Variants in C12orf42 observed in about 807,000 individuals in gnomAD.
C12orf42 encodes the protein chromosome 12 open reading frame 42.
C12orf42 carries 25 observed loss-of-function variants against 21.6 expected under a neutral mutation model. The observed-to-expected ratio is 1.16, with a 90% CI of 0.84 to 1.62. The LOEUF (loss-of-function observed/expected upper bound fraction) is 1.62, where lower values mean the gene tolerates loss of function less well. Among genes scored for constraint, C12orf42 ranks in the 40% most tolerant of loss-of-function variants. C12orf42 has a pLI of 0.00. For synonymous variants in C12orf42, 174 were observed against 175.0 expected (o/e 0.99, Z 0.05); for missense variants, 483 against 459.3 (o/e 1.05, Z -0.47).
Position 103,253,895 on chromosome 12 carries a change from A to AGAT in C12orf42, c.*1366+9428_*1366+9430dup, listed in dbSNP as rs140054515. Reference sequence around the variant, plus strand: ...GATGTTAGGCCTTTGTCAAATGGATAGATTGAAAATTTTTCTCCCACTCGG... The same window carrying AGAT: ...GATGTTAGGCCTTTGTCAAATGGATAGATGATTGAAAATTTTTCTCCCACTCGG... On this transcript the variant is annotated intron_variant and NMD_transcript_variant, in intron 10 of 10. Coordinates refer to the C12orf42 transcript ENST00000547347. Among the ~76,000 whole-genome samples the AGAT allele has an allele frequency of 3.3e-3, 501 of 151,986 alleles. 4 individuals are homozygous for AGAT. Among genetic ancestry groups the AGAT allele is most frequent in the Non-Finnish European group, 3.9e-3 (266 of 67,970 alleles).
At chr12:103,268,895 A>T (rs2035304119) in exon 7 of C12orf42, 1 of 152,112 alleles carries the variant, frequency 6.6e-6, no homozygotes, top group African/African-American at 2.4e-5. Context: ...CAGCTATTCC[A>T]TTATTTGAAT....
chr12:103,371,146 T>C (rs2045190398), intron 3 of C12orf42, among the ~76,000 whole-genome samples: 1 of 152,154 alleles, frequency 6.6e-6, no homozygotes, highest in Non-Finnish European at 1.5e-5. Context: ...GCATAAGCAA[T>C]AGTATCCTAC....
At chr12:103,287,250 C>G (rs2036523884) in intron 4 of C12orf42, among the ~76,000 whole-genome samples, 1 of 152,194 alleles carries the variant, frequency 6.6e-6, no homozygotes, top group Non-Finnish European at 1.5e-5. Flanking sequence ...AAGACACATG[C>G]ACATGTATGT....
intron 3 of C12orf42, among the ~76,000 whole-genome samples, chr12:103,374,163 T>C (rs1252928297): frequency 2.6e-5 from 4 of 152,220 alleles, no homozygotes; most frequent in Non-Finnish European, 5.9e-5. Flanking sequence ...GCAACCTCTA[T>C]TACCGCCACC....
chr12:103,064,489 A>G, the C12orf42 span, among the ~76,000 whole-genome samples: 2 of 152,228 alleles, frequency 1.3e-5, no homozygotes, highest in Non-Finnish European at 2.9e-5. Flanking sequence ...CTGTATTCCT[A>G]CTTAATTTAT....
the C12orf42 span, among the ~76,000 whole-genome samples, chr12:103,215,573 A>G: frequency 6.6e-6 from 1 of 152,150 alleles, no homozygotes; most frequent in African/African-American, 2.4e-5. Context: ...CTCTTTGCCC[A>G]GACAGCATCT....
chr12:103,540,687 A>C, the C12orf42 span, among the ~76,000 whole-genome samples: 2 of 152,022 alleles, frequency 1.3e-5, no homozygotes, highest in African/African-American at 2.4e-5. Context: ...CTTCAAGTTT[A>C]TCTCTTTTAA....
At chr12:103,554,917 A>G in the C12orf42 span, among the ~76,000 whole-genome samples, 1 of 152,172 alleles carries the variant, frequency 6.6e-6, no homozygotes, top group East Asian at 1.9e-4. Flanking sequence ...GCCAAACCAT[A>G]TCAGGGAGGT....
At chr12:103,224,962 T>A in the C12orf42 span, among the ~76,000 whole-genome samples, 1 of 152,264 alleles carries the variant, frequency 6.6e-6, no homozygotes, top group African/African-American at 2.4e-5. Flanking sequence ...CGTACGTTTT[T>A]ATGAGAATTA....
downstream of C12orf42, among the ~76,000 whole-genome samples, chr12:103,233,827 G>T (rs1320741058): frequency 6.6e-6 from 1 of 151,984 alleles, no homozygotes; most frequent in Non-Finnish European, 1.5e-5. Context: ...TGTTCTTATT[G>T]CATTAGCTAG....
At chr12:103,159,308 C>A in the C12orf42 span, among the ~76,000 whole-genome samples, 1 of 152,184 alleles carries the variant, frequency 6.6e-6, no homozygotes, top group Admixed American at 6.5e-5. Context: ...TGCATGTCTA[C>A]AGAGGCAGTT....
intron 2 of C12orf42, among the ~76,000 whole-genome samples, chr12:103,449,050 C>G (rs1951759319): frequency 6.6e-6 from 1 of 151,402 alleles, no homozygotes. Context: ...AGCCCAAATG[C>G]CCATCAATCA....
the C12orf42 span, chr12:103,504,808 G>T: frequency 6.5e-6 from 1 of 154,128 alleles, no homozygotes; most frequent in South Asian, 1.9e-4. Flanking sequence ...GGTTTCTGAT[G>T]ACTATCATAT....
At chr12:103,489,180 T>C (rs553405673) in intron 1 of C12orf42, among the ~76,000 whole-genome samples, 1 of 152,372 alleles carries the variant, frequency 6.6e-6, no homozygotes, top group East Asian at 1.9e-4. Flanking sequence ...TTCTGTTTTT[T>C]AGTTTTCCTT....
chr12:103,123,564 T>C, the C12orf42 span, among the ~76,000 whole-genome samples: 2 of 152,154 alleles, frequency 1.3e-5, no homozygotes, highest in Admixed American at 6.5e-5. Context: ...GAAAGAAAGA[T>C]AGCCTATGTT....
intron 2 of C12orf42, among the ~76,000 whole-genome samples, chr12:103,413,054 A>G (rs2138948751): frequency 6.6e-6 from 1 of 152,320 alleles, no homozygotes; most frequent in South Asian, 2.1e-4. Context: ...CAAGAAGAGT[A>G]TTTCCTAAGT....
intron 4 of C12orf42, among the ~76,000 whole-genome samples, chr12:103,349,799 G>A (rs550902532): frequency 6.6e-6 from 1 of 152,018 alleles, no homozygotes; most frequent in Non-Finnish European, 1.5e-5. Flanking sequence ...TTTAAGATAC[G>A]CAAAGGATCA....
chr12:103,271,149 T>C (rs1486746405), intron 5 of C12orf42, among the ~76,000 whole-genome samples: 1 of 152,094 alleles, frequency 6.6e-6, no homozygotes, highest in Admixed American at 6.6e-5. Context: ...CCCTGTAAAG[T>C]GGGGCATGGG....
Position 103,480,786 on chromosome 12 carries a change from TTTA to T in C12orf42, c.-21-2342_-21-2340del, listed in dbSNP as rs375753518. On this transcript the variant is annotated intron_variant, in intron 1 of 5. Transcript: ENST00000548883. ...TTTGTTTGATATCAATTCTCTGAAA[TTTA>T]TTGAGAATTTTATAGTCTCCATGTA... Among the ~76,000 whole-genome samples, 53 of 151,778 alleles carry T rather than the reference TTTA, an allele frequency of 3.5e-4. No homozygotes were observed. The East Asian group carries it at 6.0e-3, about 17-fold the overall frequency.
Sources: allele counts gnomAD v4.1 joint callset (sites outside exome capture counted in the v4.1 genomes callset), GRCh38; gene constraint gnomAD v4.1.1; transcripts MANE v1.5; gene names NCBI Gene and HGNC (gene_info 2026-07-23, HGNC 2026-07-21).